PIWIL1: variants seen among roughly 807,000 people sequenced by gnomAD.
PIWIL1 encodes the protein piwi like RNA-mediated gene silencing 1.
Under a neutral mutation model 114.4 loss-of-function variants are expected in PIWIL1, and 73 were observed. The observed-to-expected ratio is 0.64, with a 90% confidence interval of 0.53 to 0.78. The LOEUF (loss-of-function observed/expected upper bound fraction) is 0.78, where lower values mean the gene tolerates loss of function less well. PIWIL1 is among the 30% of genes least tolerant of loss of function. The pLI, the probability that PIWIL1 is intolerant of heterozygous loss-of-function variation, is 0.00. For missense variants in PIWIL1, 723 were observed against 1,063.1 expected (o/e 0.68, Z 4.45); for synonymous variants, 375 against 369.0 (o/e 1.02, Z -0.19).
At chr12:130,414,319 G>T in the PIWIL1 span, 8 of 1,569,448 alleles carry the variant, frequency 5.1e-6, no homozygotes, top group Admixed American at 3.6e-5. Context: ...GCGAGCAAGT[G>T]GGGGTGAAGA....
At chr12:130,349,477 T>G (rs1351084697) in intron 8 of PIWIL1, 41 bp downstream of exon 8, 1 of 1,355,060 alleles carries the variant, frequency 7.4e-7, no homozygotes, top group Admixed American at 1.8e-5. Flanking sequence ...TTTTTGTGAG[T>G]CAAAGTATTG....
At chr12:130,424,728 A>C in the PIWIL1 span, 3 of 1,232,140 alleles carry the variant, frequency 2.4e-6, no homozygotes, top group Non-Finnish European at 3.0e-6. The surrounding 1 kb of genome is among the most constrained non-coding windows in gnomAD (Gnocchi z 9.8). Context: ...CTGCTTGTGT[A>C]GCAGCCCACA....
At chr12:130,422,639 G>T in the PIWIL1 span, 1 of 1,053,856 alleles carries the variant, frequency 9.5e-7, no homozygotes, top group Admixed American at 2.2e-5. This position sits in a 1 kb window ranked among gnomAD's most constrained non-coding sequence, Gnocchi z 5.2. Context: ...AAATCAAGCG[G>T]GTTGAAAAGC....
intron 2 of PIWIL1, 79 bp downstream of exon 2, chr12:130,342,748 A>G: frequency 9.0e-7 from 1 of 1,117,258 alleles, no homozygotes. Flanking sequence ...TAAACTAAAA[A>G]CTGTGCTGGG....
chr12:130,411,865 T>C, the PIWIL1 span, among the ~76,000 whole-genome samples: 1 of 152,162 alleles, frequency 6.6e-6, no homozygotes, highest in Non-Finnish European at 1.5e-5. Flanking sequence ...TCCTTAAAAT[T>C]ATGTATATTC....
the PIWIL1 span, among the ~76,000 whole-genome samples, chr12:130,411,214 C>T: frequency 2.6e-5 from 4 of 152,192 alleles, no homozygotes; most frequent in Non-Finnish European, 5.9e-5. Context: ...GATGTTGCTA[C>T]ACTCCATTTG....
chr12:130,340,632 T>TGG lies in PIWIL1; in HGVS notation c.-12-1944_-12-1943dup, dbSNP rs2072887941. On this transcript the variant is annotated intron_variant, in intron 1 of 20. Transcript: ENST00000245255. ...GGGCGTGGGGGTTGGTGGTGGTGGT[T>TGG]GGGGGAGGGGGGGTGGGGGGAGGGG... 6.1e-5 allele frequency among the ~76,000 whole-genome samples: 3 copies of TGG among 48,842 alleles called. No individual in the cohort carries two copies. The African/African-American group carries it at 8.1e-4, about 13-fold the overall frequency. 32.0% of individuals were successfully genotyped at this position (48,842 alleles called of 152,430 possible). A position where few individuals can be genotyped will look rare whatever the true frequency, so the allele number is the denominator to read the frequency against.
chr12:130,414,608 G>A, the PIWIL1 span: 2 of 245,572 alleles, frequency 8.1e-6, no homozygotes, highest in East Asian at 1.8e-4. Flanking sequence ...CCGTGCCAGG[G>A]GCAGGATGGC....
the PIWIL1 span, chr12:130,420,881 C>A: frequency 5.9e-5 from 9 of 152,154 alleles, no homozygotes; most frequent in Non-Finnish European, 7.3e-5. The surrounding 1 kb of genome is among the most constrained non-coding windows in gnomAD (Gnocchi z 4.3). Flanking sequence ...GAGTAGAAGA[C>A]CTACCATGCC....
intron 7 of PIWIL1, 100 bp from the exon 8 acceptor site, chr12:130,349,139 A>G (rs1159355183): frequency 1.2e-5 from 9 of 736,552 alleles, no homozygotes; most frequent in Non-Finnish European, 1.8e-5. Context: ...CAGAAACTTT[A>G]TAGTTTAGAC....
At chr12:130,384,654 C>T in the PIWIL1 span, among the ~76,000 whole-genome samples, 2 of 152,138 alleles carry the variant, frequency 1.3e-5, no homozygotes, top group African/African-American at 2.4e-5. Context: ...TGGGGTGCAT[C>T]GTGGTTTTAT....
At chr12:130,352,408 A>G (rs2073237066) in intron 9 of PIWIL1, among the ~76,000 whole-genome samples, 1 of 152,192 alleles carries the variant, frequency 6.6e-6, no homozygotes, top group Non-Finnish European at 1.5e-5. Context: ...GCCAGGCACG[A>G]TGGGTCATGC....
At chr12:130,381,959 GT>G in the PIWIL1 span, among the ~76,000 whole-genome samples, 22 of 152,292 alleles carry the variant, frequency 1.4e-4, no homozygotes, top group African/African-American at 5.3e-4. Context: ...CTGTGCTAAG[GT>G]ACCTGTTAAG....
In PIWIL1 at chr12:130,349,410, A is replaced by G. The variant is rs2136142593; in HGVS notation, c.906A>G (p.Glu302=). 6.2e-7 allele frequency: 1 copy of G among 1,612,214 alleles called. No homozygotes were observed. The highest frequency in any genetic ancestry group is 1.1e-5 in the South Asian group (1 of 90,964). Residue 302 remains glutamate, a synonymous_variant, in exon 8 of 21, where the codon GAA becomes GAG. Transcript: ENST00000245255. ...EHKFQEQVSK[E]LIGLVVLTKY... is the part of the protein sequence containing the mutation. The stretch of plus-strand genomic sequence containing the variant: ...AATTTCAAGAACAAGTTTCCAAAGA[A>G]CTAATAGGTTTAGTTGTTCTTACCA...
intron 18 of PIWIL1, among the ~76,000 whole-genome samples, chr12:130,365,392 T>G (rs771498318): frequency 2.6e-5 from 4 of 152,204 alleles, no homozygotes; most frequent in Non-Finnish European, 5.9e-5. Flanking sequence ...TCACACAGTA[T>G]CCAGTAAGTA....
chr12:130,362,944 T>C, intron 17 of PIWIL1, 47 bp from the exon 18 acceptor site: 1 of 1,612,100 alleles, frequency 6.2e-7, no homozygotes, highest in African/African-American at 1.3e-5. Flanking sequence ...ACAGACGAGT[T>C]GTGTCGTAGG....
rs1336770818 is a variant in PIWIL1, at chr12:130,349,536, G to C, written c.932+100G>C. On this transcript the variant is annotated intron_variant, in intron 8 of 20. Coordinates refer to ENST00000245255, the MANE Select transcript of PIWIL1 (RefSeq NM_004764.5). ...AAGAAATAGTGTTTAAAATTGAGTG[G>C]TGGGAATAGCACAAAACAAGGGTGA... is the stretch of plus-strand genomic sequence containing the variant. 5.0e-6 allele frequency: 4 copies of C among 806,378 alleles called. No individual in the cohort carries two copies. In the East Asian group the frequency reaches 8.0e-5, roughly 16 times the overall value. 50.0% of individuals were successfully genotyped at this position (806,378 alleles called of 1,614,324 possible). A position where few individuals can be genotyped will look rare whatever the true frequency, so the allele number is the denominator to read the frequency against.
chr12:130,363,275 G>A (rs1703225664), intron 18 of PIWIL1, 131 bp downstream of exon 18: 3 of 888,554 alleles, frequency 3.4e-6, no homozygotes, highest in Non-Finnish European at 5.2e-6. Flanking sequence ...TTGAGGTGAT[G>A]GGAAGGGCAG....
intron 1 of PIWIL1, among the ~76,000 whole-genome samples, chr12:130,341,204 T>C (rs1448917665): frequency 6.6e-6 from 1 of 152,216 alleles, no homozygotes; most frequent in African/African-American, 2.4e-5. Context: ...CCTGCCCACA[T>C]GAAATCCTCC....
Sources: gnomAD v4.1 joint callset for allele counts (sites outside exome capture counted in the v4.1 genomes callset) on GRCh38, gnomAD v4.1.1 for gene constraint, Gnocchi (gnomAD v3.1) non-coding constraint, MANE v1.5 for transcripts, NCBI Gene and HGNC (gene_info 2026-07-23, HGNC 2026-07-21) for gene names.